The following ZIM2 variants were observed in gnomAD, a reference collection of about 807,000 sequenced individuals.
The protein encoded by ZIM2 is zinc finger protein 656.
Under a neutral mutation model 38.6 loss-of-function variants are expected in ZIM2, and 14 were observed. That is an observed-to-expected ratio of 0.36 (90% CI 0.24 to 0.57). The LOEUF is 0.57. Ranked by LOEUF, ZIM2 falls within the 20% of genes least tolerant of loss-of-function variation. The probability of loss-of-function intolerance (pLI) is 0.81; values close to 1 mark genes in which losing one functional copy is unlikely to be tolerated. For missense variants in ZIM2, 680 were observed against 695.1 expected (o/e 0.98, Z 0.24); for synonymous variants, 247 against 245.8 (o/e 1.00, Z -0.04).
At chr19:56,836,836 C>T (rs1223497043) in intron 1 of ZIM2, among the ~76,000 whole-genome samples, 3 of 151,886 alleles carry the variant, frequency 2.0e-5, no homozygotes, top group Non-Finnish European at 2.9e-5. Context: ...GGCATGGTGG[C>T]GCGCGCCTGT....
chr19:56,827,540 G>A lies in ZIM2; in HGVS notation c.-226-1077C>T, dbSNP rs149141217. ...CCGGGCAACATATGTTTGTATGCACGGGAAGAAACAAGTACACTCATATAC... is the reference window on the plus strand; with the variant it reads ...CCGGGCAACATATGTTTGTATGCACAGGAAGAAACAAGTACACTCATATAC... On this transcript the variant is annotated intron_variant, in intron 2 of 12. Transcript: ENST00000629319. Among the ~76,000 whole-genome samples the A allele has an allele frequency of 2.6e-3, 400 of 152,246 alleles. 4 individuals are homozygous for A. The highest frequency in any genetic ancestry group is 9.0e-3 in the African/African-American group (373 of 41,550).
At chr19:56,799,144 T>A (rs2047373667) in intron 9 of ZIM2, 1 of 152,204 alleles carries the variant, frequency 6.6e-6, no homozygotes, top group African/African-American at 2.4e-5. Flanking sequence ...ATCATTCTAT[T>A]ATAAAGATAC....
intron 9 of ZIM2, among the ~76,000 whole-genome samples, chr19:56,794,887 A>G (rs1196013622): frequency 6.6e-6 from 1 of 152,124 alleles, no homozygotes; most frequent in Non-Finnish European, 1.5e-5. Flanking sequence ...CATCCCTCAA[A>G]ATCTGTTGTC....
At chr19:56,809,033 A>C (rs1342345829) in intron 9 of ZIM2, among the ~76,000 whole-genome samples, 1 of 152,164 alleles carries the variant, frequency 6.6e-6, no homozygotes, top group African/African-American at 2.4e-5. Flanking sequence ...TTACCCCTTC[A>C]ACTGGGTTGT....
intron 9 of ZIM2, chr19:56,815,183 G>A (rs758971364): frequency 6.2e-7 from 1 of 1,613,908 alleles, no homozygotes; most frequent in Admixed American, 1.7e-5. Flanking sequence ...TGAATGACAG[G>A]GTCTTCAATT....
At chr19:56,821,064 GC>G (rs2060441271) in intron 7 of ZIM2, among the ~76,000 whole-genome samples, 1 of 152,152 alleles carries the variant, frequency 6.6e-6, no homozygotes, top group Admixed American at 6.5e-5. Context: ...AACCACAACT[GC>G]CATAATTGTT....
chr19:56,840,234 C>G (rs967407748), intron 1 of ZIM2, among the ~76,000 whole-genome samples: 6 of 152,202 alleles, frequency 3.9e-5, no homozygotes, highest in African/African-American at 1.2e-4. Context: ...CCCTAATGCC[C>G]CCGGTTTGCT....
chr19:56,777,865 T>TAG (rs1002529796), intron 12 of ZIM2, among the ~76,000 whole-genome samples: 1 of 152,204 alleles, frequency 6.6e-6, no homozygotes, highest in Non-Finnish European at 1.5e-5. Context: ...GGCTGGCCCT[T>TAG]GACTATCTCT....
chr19:56,817,842 G>A lies in ZIM2; in HGVS notation c.398-4C>T, dbSNP rs759140620. On this transcript the variant is annotated splice_region_variant and splice_polypyrimidine_tract_variant and intron_variant, in intron 8 of 12. Coordinates refer to ENST00000629319, the MANE Select transcript of ZIM2 (RefSeq NM_001387356.1). ...TCGTCTTCAGCAAGCTGCACTCCTG[G>A]TCACAAGGACAATATGATGCCTCAA... is the stretch of plus-strand genomic sequence containing the variant. 1.2e-6 allele frequency: 2 copies of A among 1,612,138 alleles called. No homozygotes were observed. The highest frequency in any genetic ancestry group is 2.7e-5 in the African/African-American group (2 of 74,870).
Position 56,782,003 on chromosome 19 carries a change from T to G in ZIM2, c.689A>C (p.Asn230Thr). ...ELSSLSAAQRNLYREVMLENY... is the reference protein window; with the variant it reads ...ELSSLSAAQRTLYREVMLENY... The stretch of plus-strand genomic sequence containing the variant: ...CTCCAGCATCACCTCCCTGTAGAGG[T>G]TTCTCTGAGCAGCACTAAGGGAACT... The change falls in exon 11 of 13, where the codon AAC (asparagine) becomes ACC (threonine). Residue 230 changes from asparagine (N) to threonine (T), a missense_variant. Asn to Thr is a moderately conservative substitution (Grantham distance 65). Coordinates refer to ENST00000629319, the MANE Select transcript of ZIM2 (RefSeq NM_001387356.1). The G allele has an allele frequency of 1.2e-6, 2 of 1,613,838 alleles. No individual in the cohort carries two copies. The highest frequency in any genetic ancestry group is 1.7e-6 in the Non-Finnish European group (2 of 1,179,856).
chr19:56,817,673 G>T, intron 9 of ZIM2, 73 bp downstream of exon 9: 1 of 1,534,968 alleles, frequency 6.5e-7, no homozygotes, highest in South Asian at 1.1e-5. Flanking sequence ...GTTTAGGAAT[G>T]CAAAGTGTAG....
intron 2 of ZIM2, chr19:56,833,119 G>A (rs1326272010): frequency 1.9e-6 from 1 of 514,392 alleles, no homozygotes; most frequent in Non-Finnish European, 3.9e-6. Flanking sequence ...GAAAGCGTCT[G>A]GGACCATGTG....
intron 1 of ZIM2, among the ~76,000 whole-genome samples, chr19:56,840,017 G>A (rs928113930): frequency 5.3e-5 from 8 of 152,170 alleles, no homozygotes; most frequent in Admixed American, 5.2e-4. Flanking sequence ...CACCACCACT[G>A]CGGCAAACAA....
At chr19:56,826,818 C>T (rs1453635566) in intron 2 of ZIM2, among the ~76,000 whole-genome samples, 1 of 152,130 alleles carries the variant, frequency 6.6e-6, no homozygotes, top group African/African-American at 2.4e-5. Flanking sequence ...AAGAAAAACA[C>T]ATCTGAGGCA....
At chr19:56,798,383 T>C (rs1291665986) in intron 9 of ZIM2, 1 of 152,176 alleles carries the variant, frequency 6.6e-6, no homozygotes, top group African/African-American at 2.4e-5. Flanking sequence ...ATTTAATAAA[T>C]GGTGTTGGGA....
chr19:56,782,284 G>C (rs935111699), intron 10 of ZIM2, 163 bp from the exon 11 acceptor site: 2 of 938,982 alleles, frequency 2.1e-6, no homozygotes, highest in Non-Finnish European at 1.5e-6. Context: ...GAACATTACT[G>C]AAACAGTTCC....
At chr19:56,788,994 C>A (rs181868684) in intron 10 of ZIM2, among the ~76,000 whole-genome samples, 34 of 151,688 alleles carry the variant, frequency 2.2e-4, no homozygotes, top group Non-Finnish European at 4.0e-4. Context: ...TTTTTCAGCT[C>A]CATCAGGTCA....
At chr19:56,783,230 T>C (rs1027345009) in intron 10 of ZIM2, among the ~76,000 whole-genome samples, 2 of 152,222 alleles carry the variant, frequency 1.3e-5, no homozygotes, top group African/African-American at 4.8e-5. Flanking sequence ...AATAGTATTC[T>C]AGCAATAGAA....
chr19:56,824,717 C>T (rs1413778427), intron 3 of ZIM2: 82 of 1,483,976 alleles, frequency 5.5e-5, no homozygotes, highest in Non-Finnish European at 7.3e-5. Flanking sequence ...GACGCGGCAG[C>T]CTGTGACCGT....
Sources: allele counts gnomAD v4.1 joint callset (sites outside exome capture counted in the v4.1 genomes callset), GRCh38; gene constraint gnomAD v4.1.1; transcripts MANE v1.5; gene names NCBI Gene and HGNC (gene_info 2026-07-23, HGNC 2026-07-21).